CSMD1: variants seen among roughly 807,000 people sequenced by gnomAD.
The protein encoded by CSMD1 is CUB and sushi domain-containing protein 1.
In CSMD1, 213 loss-of-function variants were observed where a neutral mutation model predicts 417.5. The ratio of observed to expected loss-of-function variants is 0.51; its 90% CI spans 0.46 to 0.57. CSMD1 has a LOEUF of 0.57. Among genes scored for constraint, CSMD1 ranks in the 20% least tolerant of loss-of-function variants. CSMD1 has a pLI of 0.00. For synonymous variants in CSMD1, 2,862 were observed against 1,736.8 expected (o/e 1.65, Z -16.11); for missense variants, 6,923 against 4,529.7 (o/e 1.53, Z -15.17).
chr8:3,113,268 G>A (rs1816642613), intron 42 of CSMD1: 1 of 152,216 alleles, frequency 6.6e-6, no homozygotes, highest in African/African-American at 2.4e-5. Context: ...AGCTGACCAT[G>A]GCATCAGCAA....
chr8:4,346,946 G>A (rs751253363), intron 3 of CSMD1, among the ~76,000 whole-genome samples: 1 of 152,138 alleles, frequency 6.6e-6, no homozygotes, highest in Non-Finnish European at 1.5e-5. Context: ...AGTGAGTTTA[G>A]TTAGGTAACA....
At chr8:3,489,391 T>G (rs917328012) in intron 11 of CSMD1, among the ~76,000 whole-genome samples, 1 of 152,188 alleles carries the variant, frequency 6.6e-6, no homozygotes, top group African/African-American at 2.4e-5. Flanking sequence ...AACCTGTGCC[T>G]GCCACCCACA....
At chr8:3,607,807 G>T (rs995879027) in intron 8 of CSMD1, among the ~76,000 whole-genome samples, 2 of 152,198 alleles carry the variant, frequency 1.3e-5, no homozygotes, top group Non-Finnish European at 2.9e-5. Context: ...ACTCAAATGA[G>T]AAGAATCAGC....
At chr8:4,656,351 G>C (rs887928295) in intron 1 of CSMD1, among the ~76,000 whole-genome samples, 1 of 152,022 alleles carries the variant, frequency 6.6e-6, no homozygotes, top group Non-Finnish European at 1.5e-5. Flanking sequence ...GACCAGGCAT[G>C]GTTGTGCAAA....
intron 41 of CSMD1, among the ~76,000 whole-genome samples, chr8:3,130,453 C>A (rs1453371988): frequency 6.6e-6 from 1 of 152,156 alleles, no homozygotes; most frequent in East Asian, 1.9e-4. Flanking sequence ...CCCCAACCCC[C>A]ATCCACATAC....
chr8:3,908,431 A>G (rs1399807611), intron 5 of CSMD1, among the ~76,000 whole-genome samples: 2 of 152,150 alleles, frequency 1.3e-5, no homozygotes, highest in African/African-American at 2.4e-5. Flanking sequence ...TAAGCACAAA[A>G]CTTTGCTCGC....
chr8:4,646,820 A>G (rs1286088673), intron 1 of CSMD1, among the ~76,000 whole-genome samples: 1 of 152,238 alleles, frequency 6.6e-6, no homozygotes, highest in Admixed American at 6.5e-5. Flanking sequence ...GACAGACAGT[A>G]AAGAAGAATA....
At chr8:4,457,907 T>TC (rs1799584408) in intron 2 of CSMD1, among the ~76,000 whole-genome samples, 1 of 152,088 alleles carries the variant, frequency 6.6e-6, no homozygotes, top group South Asian at 2.1e-4. Context: ...GTCTCCATTT[T>TC]CCCATACACC....
intron 3 of CSMD1, among the ~76,000 whole-genome samples, chr8:4,412,196 T>C (rs1419058233): frequency 2.0e-5 from 3 of 152,148 alleles, no homozygotes; most frequent in African/African-American, 4.8e-5. Flanking sequence ...GCAAACCTCA[T>C]GTTAAATTGT....
At chr8:3,351,079 T>C (rs1808389355) in intron 21 of CSMD1, among the ~76,000 whole-genome samples, 1 of 152,220 alleles carries the variant, frequency 6.6e-6, no homozygotes. Context: ...ACTAAAGTCT[T>C]CTATTAGTAT....
chr8:3,421,692 C>A (rs1813497203), intron 12 of CSMD1, among the ~76,000 whole-genome samples: 1 of 152,180 alleles, frequency 6.6e-6, no homozygotes, highest in Admixed American at 6.5e-5. Flanking sequence ...GACTGCAGTG[C>A]ACTGCTGTAA....
intron 3 of CSMD1, among the ~76,000 whole-genome samples, chr8:4,159,165 C>G (rs1020169730): frequency 6.6e-6 from 1 of 152,146 alleles, no homozygotes; most frequent in Non-Finnish European, 1.5e-5. Flanking sequence ...ATCCACCTGT[C>G]TCGGCCTCCC....
chr8:3,018,315 C>A (rs998925179), intron 52 of CSMD1, among the ~76,000 whole-genome samples, 162 bp downstream of exon 52: 1 of 152,114 alleles, frequency 6.6e-6, no homozygotes, highest in East Asian at 1.9e-4. Flanking sequence ...AAAAACAAAT[C>A]CCTGTAGATA....
chr8:4,603,305 T>C (rs1020978386), intron 2 of CSMD1, among the ~76,000 whole-genome samples: 1 of 152,104 alleles, frequency 6.6e-6, no homozygotes, highest in African/African-American at 2.4e-5. Flanking sequence ...ATTCCTTTTT[T>C]GTATTCAACT....
At chr8:3,355,342 C>G (rs1808710805) in intron 21 of CSMD1, among the ~76,000 whole-genome samples, 1 of 152,110 alleles carries the variant, frequency 6.6e-6, no homozygotes, top group African/African-American at 2.4e-5. Flanking sequence ...TTATAGCAAA[C>G]ATTTATCTCC....
intron 6 of CSMD1, among the ~76,000 whole-genome samples, chr8:3,728,353 T>C (rs983385973): frequency 3.3e-5 from 5 of 152,188 alleles, no homozygotes; most frequent in African/African-American, 1.2e-4. Flanking sequence ...GGGAGTCCAT[T>C]AAACCTCGTT....
chr8:3,405,457 A>G (rs1448065048), intron 15 of CSMD1, among the ~76,000 whole-genome samples: 5 of 152,198 alleles, frequency 3.3e-5, no homozygotes, highest in Non-Finnish European at 7.3e-5. Flanking sequence ...AAGAACAACA[A>G]AATAGTTAAC....
intron 6 of CSMD1, among the ~76,000 whole-genome samples, chr8:3,750,381 G>T (rs528651226): frequency 5.3e-5 from 8 of 150,482 alleles, no homozygotes; most frequent in African/African-American, 1.7e-4. Flanking sequence ...CGATATATAT[G>T]ATTCAAGTTG....
At chr8:4,322,047 C>G (rs187812936) in intron 3 of CSMD1, among the ~76,000 whole-genome samples, 1 of 151,918 alleles carries the variant, frequency 6.6e-6, no homozygotes, top group Non-Finnish European at 1.5e-5. Context: ...ATTTTAAATG[C>G]CTAATTCACA....
Sources: gnomAD v4.1 joint callset for allele counts (sites outside exome capture counted in the v4.1 genomes callset) on GRCh38, gnomAD v4.1.1 for gene constraint, MANE v1.5 for transcripts, NCBI Gene and HGNC (gene_info 2026-07-23, HGNC 2026-07-21) for gene names.